The following SGCZ variants were observed in gnomAD, a reference collection of about 807,000 sequenced individuals.
The protein encoded by SGCZ is zeta-sarcoglycan.
In SGCZ, 40 loss-of-function variants were observed where a neutral mutation model predicts 41.3. That is an observed-to-expected ratio of 0.97 (90% CI 0.75 to 1.26). SGCZ has a LOEUF of 1.26. SGCZ is among the 50% of genes most tolerant of loss of function. The pLI is 0.00. For missense variants in SGCZ, 552 were observed against 369.8 expected (o/e 1.49, Z -4.04); for synonymous variants, 206 against 137.5 (o/e 1.50, Z -3.49).
At chr8:14,662,153 TCTCA>T (rs1374607323) in intron 1 of SGCZ, among the ~76,000 whole-genome samples, 1 of 151,788 alleles carries the variant, frequency 6.6e-6, no homozygotes, top group Non-Finnish European at 1.5e-5. Context: ...TCTCTCCCCT[TCTCA>T]CTTTTTCTGT....
chr8:15,206,739 AC>A (rs1323489394), intron 1 of SGCZ, among the ~76,000 whole-genome samples: 1 of 151,900 alleles, frequency 6.6e-6, no homozygotes, highest in African/African-American at 2.4e-5. Context: ...GAGCCACTGC[AC>A]CCAGCCGGGC....
intron 1 of SGCZ, among the ~76,000 whole-genome samples, chr8:14,946,876 A>G (rs929325611): frequency 1.3e-5 from 2 of 151,702 alleles, no homozygotes; most frequent in African/African-American, 2.4e-5. Flanking sequence ...GGGTTTCACC[A>G]TATTGGCCAG....
chr8:15,062,438 C>T (rs1443666821), intron 1 of SGCZ, among the ~76,000 whole-genome samples: 3 of 152,036 alleles, frequency 2.0e-5, no homozygotes, highest in Non-Finnish European at 4.4e-5. Flanking sequence ...GAAAAAGAGG[C>T]CCACCACTTC....
intron 1 of SGCZ, among the ~76,000 whole-genome samples, chr8:14,646,288 C>A (rs1000263722): frequency 6.6e-6 from 1 of 151,870 alleles, no homozygotes; most frequent in African/African-American, 2.4e-5. Context: ...CACTTATGAG[C>A]AAGAACATGT....
chr8:14,878,652 A>G (rs902099282), intron 1 of SGCZ, among the ~76,000 whole-genome samples: 3 of 152,336 alleles, frequency 2.0e-5, no homozygotes, highest in South Asian at 2.1e-4. Context: ...CAGAAAAGCT[A>G]TGTCAAGATC....
chr8:14,398,801 G>C (rs1032737883), intron 2 of SGCZ, among the ~76,000 whole-genome samples: 4 of 152,070 alleles, frequency 2.6e-5, no homozygotes, highest in African/African-American at 9.7e-5. Flanking sequence ...CCTGGTGTTG[G>C]TTAGACTAGA....
At chr8:14,469,247 CATT>C (rs1286452293) in intron 2 of SGCZ, among the ~76,000 whole-genome samples, 1 of 152,126 alleles carries the variant, frequency 6.6e-6, no homozygotes, top group Non-Finnish European at 1.5e-5. Context: ...ACCTCAGCAT[CATT>C]GACATGTTGG....
At chr8:14,757,067 G>C (rs1799698813) in intron 1 of SGCZ, among the ~76,000 whole-genome samples, 1 of 149,934 alleles carries the variant, frequency 6.7e-6, no homozygotes, top group Non-Finnish European at 1.5e-5. Flanking sequence ...CTTTTTTTTT[G>C]AGACAAACTC....
At chr8:14,551,826 C>G (rs1803879047) in intron 2 of SGCZ, among the ~76,000 whole-genome samples, 1 of 137,266 alleles carries the variant, frequency 7.3e-6, no homozygotes, top group African/African-American at 3.4e-5. Context: ...CAAATTATTT[C>G]CAAAAACACA....
intron 1 of SGCZ, among the ~76,000 whole-genome samples, chr8:15,002,506 A>C (rs896753848): frequency 2.6e-5 from 4 of 152,126 alleles, no homozygotes; most frequent in South Asian, 2.1e-4. Context: ...CCCTAGAAAT[A>C]GGAACCCAGC....
intron 2 of SGCZ, among the ~76,000 whole-genome samples, chr8:14,534,614 T>G (rs1323927094): frequency 6.6e-6 from 1 of 151,912 alleles, no homozygotes; most frequent in Admixed American, 6.6e-5. Context: ...AGCAAATAGC[T>G]AATTACCGCA....
intron 2 of SGCZ, among the ~76,000 whole-genome samples, chr8:14,480,426 C>T (rs1034450422): frequency 6.6e-6 from 1 of 152,130 alleles, no homozygotes; most frequent in Non-Finnish European, 1.5e-5. Context: ...CTTATCTCCC[C>T]ACAAAATTTG....
intron 1 of SGCZ, among the ~76,000 whole-genome samples, chr8:14,790,746 T>C (rs1800923235): frequency 6.6e-6 from 1 of 152,092 alleles, no homozygotes; most frequent in African/African-American, 2.4e-5. Context: ...GAAAATAGTA[T>C]ACAGCCAGGA....
intron 5 of SGCZ, among the ~76,000 whole-genome samples, chr8:14,133,283 C>T (rs560693686): frequency 6.6e-6 from 1 of 152,326 alleles, no homozygotes; most frequent in East Asian, 1.9e-4. Context: ...ATGTTTGCTC[C>T]TGATCCATTA....
chr8:14,476,491 T>A (rs2116992197), intron 2 of SGCZ, among the ~76,000 whole-genome samples: 1 of 152,132 alleles, frequency 6.6e-6, no homozygotes, highest in African/African-American at 2.4e-5. Context: ...ATAATAAAAA[T>A]TAAAGTAACA....
intron 1 of SGCZ, among the ~76,000 whole-genome samples, chr8:14,758,628 C>T (rs1020342937): frequency 6.6e-6 from 1 of 152,182 alleles, no homozygotes; most frequent in African/African-American, 2.4e-5. Context: ...CACAGTAAAA[C>T]TTGTGATTGG....
intron 1 of SGCZ, among the ~76,000 whole-genome samples, chr8:14,829,168 AT>A (rs76048089): frequency 0.17 from 25,333 of 151,766 alleles, 2,544 homozygotes; most frequent in East Asian, 0.26. Context: ...CCGATTATTT[AT>A]TTTTCTTGAT....
chr8:14,582,052 TG>T (rs1804907882), intron 1 of SGCZ, among the ~76,000 whole-genome samples: 2 of 152,132 alleles, frequency 1.3e-5, no homozygotes, highest in East Asian at 3.9e-4. Context: ...CTCAACGTGA[TG>T]ATGAGCATGA....
chr8:15,195,589 G>A (rs1393649038), intron 1 of SGCZ, among the ~76,000 whole-genome samples: 1 of 152,166 alleles, frequency 6.6e-6, no homozygotes, highest in Non-Finnish European at 1.5e-5. Context: ...TTGGTGACAA[G>A]AGTCCGTGCC....
Sources: allele counts gnomAD v4.1 joint callset (sites outside exome capture counted in the v4.1 genomes callset), GRCh38; gene constraint gnomAD v4.1.1; transcripts MANE v1.5; gene names NCBI Gene and HGNC (gene_info 2026-07-23, HGNC 2026-07-21).